The following CCDC126 variants were observed in gnomAD, a reference collection of about 807,000 sequenced individuals.
CCDC126 encodes the protein coiled-coil domain containing 126, also known as coiled-coil domain-containing protein 126.
A neutral mutation model predicts 11.7 loss-of-function variants in CCDC126; 5 were observed. That is an observed-to-expected ratio of 0.43 (90% CI 0.22 to 0.90). The LOEUF (loss-of-function observed/expected upper bound fraction) is 0.90, where lower values mean the gene tolerates loss of function less well. CCDC126 is among the 40% of genes least tolerant of loss of function. CCDC126 has a pLI of 0.27. For synonymous variants in CCDC126, 60 were observed against 61.9 expected, an observed-to-expected ratio of 0.97 and a Z score of 0.14; for missense variants, 150 against 163.1, an observed-to-expected ratio of 0.92 and a Z score of 0.44.
chr7:23,622,880 G>A (rs117963875), intron 3 of CCDC126: 4,433 of 377,954 alleles, frequency 0.012, 52 homozygotes, highest in Non-Finnish European at 0.017. Context: ...CTCTTGTTGC[G>A]AGTTCATTAC....
chr7:23,643,212 A>T lies in CCDC126; in HGVS notation c.*97A>T. On this transcript the variant is annotated 3_prime_UTR_variant, in exon 4 of 4. Coordinates refer to ENST00000307471, the MANE Select transcript of CCDC126 (RefSeq NM_138771.4). Reference sequence around the variant, plus strand: ...CTGGCTTAGGACAGAGCAATACTTTACAATAAAAGCTCTACACATTTTCAA... The same window carrying T: ...CTGGCTTAGGACAGAGCAATACTTTTCAATAAAAGCTCTACACATTTTCAA... 1 of 1,017,754 alleles carries T rather than the reference A, an allele frequency of 9.8e-7. No individual in the cohort carries two copies. The highest frequency in any genetic ancestry group is 1.4e-6 in the Non-Finnish European group (1 of 706,464). The allele number at this position is 1,017,754 out of a possible 1,614,324, so 63.0% of individuals were successfully genotyped here. A position where few individuals can be genotyped will look rare whatever the true frequency, so the allele number is the denominator to read the frequency against.
intron 3 of CCDC126, among the ~76,000 whole-genome samples, chr7:23,615,957 G>T (rs1782788836): frequency 6.6e-6 from 1 of 152,228 alleles, no homozygotes; most frequent in Non-Finnish European, 1.5e-5. Flanking sequence ...AAAGTGAGCA[G>T]ATATTGTTAG....
chr7:23,643,132 T>A lies in CCDC126; in HGVS notation c.*17T>A. ...ATCAGATAGCAGTTGAAAATCACCT[T>A]GTGCTGCTCCATCCACTGTGGATTA... On this transcript the variant is annotated 3_prime_UTR_variant, in exon 4 of 4. Coordinates refer to ENST00000307471, the MANE Select transcript of CCDC126 (RefSeq NM_138771.4). 1 of 1,608,218 alleles carries A rather than the reference T, an allele frequency of 6.2e-7. No individual in the cohort carries two copies. Among genetic ancestry groups the A allele is most frequent in the Non-Finnish European group, 8.5e-7 (1 of 1,176,246 alleles).
At chr7:23,620,352 A>G (rs1356919245) in intron 3 of CCDC126, among the ~76,000 whole-genome samples, 1 of 152,138 alleles carries the variant, frequency 6.6e-6, no homozygotes, top group Non-Finnish European at 1.5e-5. Flanking sequence ...GCATTTTTTC[A>G]TGTGTCTGTT....
intron 3 of CCDC126, among the ~76,000 whole-genome samples, chr7:23,638,255 C>T (rs1410894268): frequency 1.3e-5 from 2 of 151,476 alleles, no homozygotes; most frequent in Non-Finnish European, 2.9e-5. Flanking sequence ...ATGACAATGG[C>T]GGTTTTGTGG....
chr7:23,629,656 G>A (rs1310877544), intron 3 of CCDC126, among the ~76,000 whole-genome samples: 1 of 152,000 alleles, frequency 6.6e-6, no homozygotes, highest in East Asian at 1.9e-4. Context: ...AAATGGAAAT[G>A]TTAGAAGTGA....
chr7:23,619,290 T>G lies in CCDC126; in HGVS notation c.238+7737T>G, dbSNP rs1191040566. On this transcript the variant is annotated intron_variant, in intron 3 of 3. Coordinates refer to ENST00000307471, the MANE Select transcript of CCDC126 (RefSeq NM_138771.4). ...TCACCATGGCGCAGGTTTACCTATG[T>G]AACAAACCTGCACATCTGAAGAAAC... is the stretch of plus-strand genomic sequence containing the variant. The G allele has an allele frequency of 1.2e-5, 3 of 248,842 alleles. No homozygotes were observed. The Admixed American group carries it at 1.4e-4, about 12-fold the overall frequency. The allele number at this position is 248,842 out of a possible 1,614,324, so 15.4% of individuals were successfully genotyped here. A position where few individuals can be genotyped will look rare whatever the true frequency, so the allele number is the denominator to read the frequency against.
At chr7:23,600,410 G>A (rs1436187406) in intron 2 of CCDC126, among the ~76,000 whole-genome samples, 2 of 136,558 alleles carry the variant, frequency 1.5e-5, no homozygotes, top group African/African-American at 5.6e-5. Flanking sequence ...GCCTCAGGCA[G>A]TGTTACATAG....
At chr7:23,608,523 T>C (rs938131475) in intron 2 of CCDC126, among the ~76,000 whole-genome samples, 1 of 152,206 alleles carries the variant, frequency 6.6e-6, no homozygotes, top group African/African-American at 2.4e-5. Flanking sequence ...TTAGTGTTAG[T>C]ATATTTTATG....
chr7:23,618,778 C>T (rs942375527), intron 3 of CCDC126, among the ~76,000 whole-genome samples: 1 of 151,916 alleles, frequency 6.6e-6, no homozygotes, highest in African/African-American at 2.4e-5. Context: ...TGGCCTTGAA[C>T]TCCTGACCTC....
rs1337813652 is a variant in CCDC126, at chr7:23,643,145, C to G, written c.*30C>G. The G allele has an allele frequency of 3.8e-6, 6 of 1,591,112 alleles. No individual in the cohort carries two copies. The Admixed American group carries it at 1.0e-4, about 27-fold the overall frequency. On this transcript the variant is annotated 3_prime_UTR_variant, in exon 4 of 4. Transcript: ENST00000307471. ...TGAAAATCACCTTGTGCTGCTCCAT[C>G]CACTGTGGATTATATCCTATGGCAG... is the stretch of plus-strand genomic sequence containing the variant.
intron 1 of CCDC126, 130 bp downstream of exon 1, chr7:23,597,735 A>C (rs1163605400): frequency 2.6e-5 from 4 of 151,376 alleles, no homozygotes; most frequent in Non-Finnish European, 5.9e-5. Context: ...TGCTGCGGAA[A>C]CCCGGCTTAG....
chr7:23,616,448 G>C (rs1782797192), intron 3 of CCDC126, among the ~76,000 whole-genome samples: 2 of 152,138 alleles, frequency 1.3e-5, no homozygotes, highest in Non-Finnish European at 2.9e-5. Context: ...CTTCTGGTAG[G>C]TTCCTGAGAA....
In CCDC126 at chr7:23,643,654, C is replaced by G. The variant is rs1257188257; in HGVS notation, c.*539C>G. The G allele has an allele frequency of 6.6e-6, 1 of 152,506 alleles. No individual in the cohort carries two copies. The highest frequency in any genetic ancestry group is 1.9e-4 in the East Asian group (1 of 5,198). The allele number at this position is 152,506 out of a possible 1,614,324, so 9.4% of individuals were successfully genotyped here. A position where few individuals can be genotyped will look rare whatever the true frequency, so the allele number is the denominator to read the frequency against. On this transcript the variant is annotated 3_prime_UTR_variant, in exon 4 of 4. Transcript: ENST00000307471. The stretch of plus-strand genomic sequence containing the variant: ...AAAATAATGTTTTGAAATCATGACC[C>G]AAAGAATGTATTGATTTGCACTATC...
chr7:23,600,119 G>A (rs1782510416), intron 2 of CCDC126, among the ~76,000 whole-genome samples: 1 of 152,120 alleles, frequency 6.6e-6, no homozygotes, highest in Admixed American at 6.6e-5. Context: ...TAGCATAATG[G>A]TTAGTTTTCT....
intron 3 of CCDC126, among the ~76,000 whole-genome samples, chr7:23,641,389 A>G (rs552233217): frequency 2.8e-4 from 43 of 152,328 alleles, no homozygotes; most frequent in African/African-American, 9.6e-4. Context: ...AGATCTTTAT[A>G]TATTCTAGGT....
At chr7:23,641,351 A>G (rs1430261602) in intron 3 of CCDC126, among the ~76,000 whole-genome samples, 1 of 151,990 alleles carries the variant, frequency 6.6e-6, no homozygotes, top group African/African-American at 2.4e-5. Context: ...TTAAAAATTG[A>G]TTTATCTTTT....
At chr7:23,641,133 G>A (rs1783349082) in intron 3 of CCDC126, among the ~76,000 whole-genome samples, 1 of 151,076 alleles carries the variant, frequency 6.6e-6, no homozygotes. Flanking sequence ...CACCACTAAT[G>A]TATGAGGGTT....
chr7:23,625,459 T>C (rs1247500876), intron 3 of CCDC126, among the ~76,000 whole-genome samples: 1 of 152,174 alleles, frequency 6.6e-6, no homozygotes, highest in East Asian at 1.9e-4. Context: ...TATGCAGACT[T>C]TGACCAATTC....
Sources: gnomAD v4.1 joint callset for allele counts (sites outside exome capture counted in the v4.1 genomes callset) on GRCh38, gnomAD v4.1.1 for gene constraint, MANE v1.5 for transcripts, NCBI Gene and HGNC (gene_info 2026-07-23, HGNC 2026-07-21) for gene names.